Variants in C2CD2 observed in about 807,000 individuals in gnomAD.
The protein encoded by C2CD2 is C2 calcium dependent domain containing 2, also known as C2 domain-containing protein 2.
Under a neutral mutation model 74.3 loss-of-function variants are expected in C2CD2, and 43 were observed. That is an observed-to-expected ratio of 0.58 (90% confidence interval 0.45 to 0.75). C2CD2 has a LOEUF of 0.75. C2CD2 is among the 30% of genes least tolerant of loss of function. The probability of loss-of-function intolerance (pLI) is 0.00; values close to 1 mark genes in which losing one functional copy is unlikely to be tolerated. For synonymous variants in C2CD2, 422 were observed against 390.7 expected (o/e 1.08, Z -0.94); for missense variants, 801 against 916.3 (o/e 0.87, Z 1.63).
In C2CD2 at chr21:41,898,888, G is replaced by A. The variant is rs115706523; in HGVS notation, c.1870+165C>T. 9.4e-3 allele frequency among the ~76,000 whole-genome samples: 1,429 copies of A among 152,306 alleles called. 29 individuals carry two copies. Among genetic ancestry groups the A allele is most frequent in the African/African-American group, 0.033 (1,383 of 41,564 alleles). On this transcript the variant is annotated intron_variant, in intron 13 of 13. Coordinates refer to ENST00000380486, the MANE Select transcript of C2CD2 (RefSeq NM_015500.2). ...AGGACCGGCAGATGCCCCACCACGG[G>A]TTCAAACATTCAGCACAGGGCATTT...
At position 41,899,769 on chromosome 21, in the gene C2CD2, GT is replaced by G. The variant is rs1291596213; in HGVS notation, c.1561-408del. Among the ~76,000 whole-genome samples the G allele has an allele frequency of 6.6e-6, 1 of 152,138 alleles. No homozygotes were observed. The highest frequency in any genetic ancestry group is 6.5e-5 in the Admixed American group (1 of 15,284). The stretch of plus-strand genomic sequence containing the variant: ...GGTTTAGCTGTCTTTGTTCCTACAC[GT>G]TTATGTTACCTGCAAGTGGAAATTC... On this transcript the variant is annotated intron_variant, in intron 12 of 13. Transcript: ENST00000380486. This position sits in a 1 kb window ranked among gnomAD's most constrained non-coding sequence, Gnocchi z 4.4.
chr21:41,930,625 C>T (rs1288048966), intron 2 of C2CD2, among the ~76,000 whole-genome samples: 1 of 149,532 alleles, frequency 6.7e-6, no homozygotes, highest in Non-Finnish European at 1.5e-5. Context: ...TCACTTGAAC[C>T]CGGCAGGCGG....
chr21:41,888,964 G>T lies in C2CD2; in HGVS notation c.*160C>A. The T allele has an allele frequency of 1.6e-6, 1 of 636,664 alleles. No homozygotes were observed. The allele number at this position is 636,664 out of a possible 1,614,324, so 39.4% of individuals were successfully genotyped here. On this transcript the variant is annotated 3_prime_UTR_variant, in exon 14 of 14. Transcript: ENST00000380486. ...CTCTGGGAGAAGCCTCCTGGCTGGA[G>T]ACTCAGATTTTGTTTTCCCTTTAAA...
chr21:41,936,244 ACT>A (rs2065306488), intron 2 of C2CD2, among the ~76,000 whole-genome samples: 1 of 152,234 alleles, frequency 6.6e-6, no homozygotes, highest in Non-Finnish European at 1.5e-5. Flanking sequence ...AACTCAAGTA[ACT>A]CAACAGCAGG....
chr21:41,944,343 C>A (rs950225595), intron 1 of C2CD2, among the ~76,000 whole-genome samples: 5 of 151,624 alleles, frequency 3.3e-5, no homozygotes, highest in African/African-American at 1.2e-4. Context: ...AAACCCCGTC[C>A]CTATTAAAAA....
intron 2 of C2CD2, among the ~76,000 whole-genome samples, chr21:41,935,640 G>A (rs1480796448): frequency 6.6e-6 from 1 of 152,000 alleles, no homozygotes; most frequent in Admixed American, 6.6e-5. Context: ...GCCGAGGTGG[G>A]TGGATCAAGT....
chr21:41,917,595 G>C (rs1340932772), intron 5 of C2CD2, among the ~76,000 whole-genome samples: 1 of 152,154 alleles, frequency 6.6e-6, no homozygotes, highest in Admixed American at 6.5e-5. Flanking sequence ...GATGGAATAG[G>C]GGGGCTCCAG....
chr21:41,952,949 G>C (rs966831412), intron 1 of C2CD2: 2 of 176,546 alleles, frequency 1.1e-5, no homozygotes, highest in African/African-American at 4.7e-5. Context: ...AATTCTTGGT[G>C]AAATTCAGCT....
Position 41,895,326 on chromosome 21 carries a change from G to A in C2CD2, c.1870+3727C>T, listed in dbSNP as rs1280413711. On this transcript the variant is annotated intron_variant, in intron 13 of 13. Coordinates refer to ENST00000380486, the MANE Select transcript of C2CD2 (RefSeq NM_015500.2). This position sits in a 1 kb window ranked among gnomAD's most constrained non-coding sequence, Gnocchi z 5.0. ...GAGGACTGTGACTGATCCAGTAACT[G>A]ATGGTCTGGATCAAGCAGATCATCT... Among the ~76,000 whole-genome samples, 1 of 152,146 alleles carries A rather than the reference G, an allele frequency of 6.6e-6. No homozygotes were observed. The highest frequency in any genetic ancestry group is 2.1e-4 in the South Asian group (1 of 4,828).
intron 4 of C2CD2, among the ~76,000 whole-genome samples, chr21:41,918,589 G>GT (rs375081225): frequency 8.7e-5 from 13 of 149,572 alleles, no homozygotes; most frequent in African/African-American, 2.5e-4. Flanking sequence ...AGGCTTCAGG[G>GT]TTTTTTTTTT....
Position 41,903,262 on chromosome 21 carries a change from C to G in C2CD2, c.1433-1513G>C, listed in dbSNP as rs970951372. 6.6e-6 allele frequency among the ~76,000 whole-genome samples: 1 copy of G among 152,080 alleles called. No homozygotes were observed. Among genetic ancestry groups the G allele is most frequent in the African/African-American group, 2.4e-5 (1 of 41,402 alleles). On this transcript the variant is annotated intron_variant, in intron 11 of 13. Transcript: ENST00000380486. The surrounding 1 kb of genome is among the most constrained non-coding windows in gnomAD (Gnocchi z 4.5). ...AAAGTGTTTCTCTGAGTTCTGTGAG[C>G]CATTATAGCAAATTACGGAACCCGA...
intron 2 of C2CD2, among the ~76,000 whole-genome samples, chr21:41,928,001 G>A (rs1353636303): frequency 6.6e-6 from 1 of 152,212 alleles, no homozygotes; most frequent in Admixed American, 6.5e-5. Flanking sequence ...CTGCAAGGAG[G>A]TGTTGTTAAT....
intron 1 of C2CD2, among the ~76,000 whole-genome samples, chr21:41,947,227 G>C (rs182883246): frequency 0.034 from 4,938 of 145,536 alleles, 249 homozygotes; most frequent in African/African-American, 0.1. Flanking sequence ...GCGCGATCTC[G>C]GCTCACTGCA....
In C2CD2 at chr21:41,912,495, T is replaced by TTA. The variant is rs1172022561; in HGVS notation, c.845-56_845-55insTA. On this transcript the variant is annotated intron_variant, in intron 6 of 13. Transcript: ENST00000380486. ...GCGTTTATTTTTATTATTTATTTAT[T>TTA]TTTTTTTTTTTTTGAGACAGAGTCT... The TTA allele has an allele frequency of 1.8e-3, 1,072 of 587,802 alleles. 19 individuals carry two copies. The African/African-American group carries it at 0.042, about 23-fold the overall frequency. The allele number at this position is 587,802 out of a possible 1,614,324, so 36.4% of individuals were successfully genotyped here.
In C2CD2 at chr21:41,945,621, AC is replaced by A. The variant is rs2065391896; in HGVS notation, c.280-3377del. ...ATTCGGTTTGGCTCTGTTTGTAACC[AC>A]CATGTGTCAAGAGAGGGACCTGTAA... On this transcript the variant is annotated intron_variant, in intron 1 of 13. Transcript: ENST00000380486. The surrounding 1 kb of genome is among the most constrained non-coding windows in gnomAD (Gnocchi z 4.2). Among the ~76,000 whole-genome samples, 1 of 152,190 alleles carries A rather than the reference AC, an allele frequency of 6.6e-6. No homozygotes were observed. Among genetic ancestry groups the A allele is most frequent in the South Asian group, 2.1e-4 (1 of 4,826 alleles).
rs74356001 is a variant in C2CD2 at position 41,926,402 on chromosome 21, C to T, written c.379-4317G>A. 6.0e-3 allele frequency: 5,929 copies of T among 982,780 alleles called. 265 individuals are homozygous for T. In the African/African-American group the frequency reaches 0.089, roughly 15 times the overall value. 60.9% of individuals were successfully genotyped at this position (982,780 alleles called of 1,614,324 possible). The stretch of plus-strand genomic sequence containing the variant: ...CATGGAAAGGCCAAGGGGGGACTCA[C>T]GGTTGGCAGGTGAGGGTTTGGGTCG... On this transcript the variant is annotated intron_variant, in intron 2 of 13. Transcript: ENST00000380486. This position sits in a 1 kb window ranked among gnomAD's most constrained non-coding sequence, Gnocchi z 8.0.
chr21:41,926,557 C>T lies in C2CD2; in HGVS notation c.379-4472G>A, dbSNP rs146788204. 35,153 of 848,844 alleles carry T rather than the reference C, an allele frequency of 0.041. 780 individuals are homozygous for T. The highest frequency in any genetic ancestry group is 0.065 in the Middle Eastern group (110 of 1,698). The allele number at this position is 848,844 out of a possible 1,614,324, so 52.6% of individuals were successfully genotyped here. On this transcript the variant is annotated intron_variant, in intron 2 of 13. Transcript: ENST00000380486. This position sits in a 1 kb window ranked among gnomAD's most constrained non-coding sequence, Gnocchi z 8.0. ...CTCTCCAGCCTCAACACCTTGACCTCATGTAGTCACATACCTATGCAAACA... is the reference window on the plus strand; with the variant it reads ...CTCTCCAGCCTCAACACCTTGACCTTATGTAGTCACATACCTATGCAAACA...
intron 4 of C2CD2, 108 bp from the exon 5 acceptor site, chr21:41,918,335 T>C (rs943362192): frequency 7.1e-5 from 75 of 1,049,590 alleles, no homozygotes; most frequent in Non-Finnish European, 9.3e-5. Flanking sequence ...AGGAAGGAAA[T>C]TACCTTCAGA....
intron 2 of C2CD2, among the ~76,000 whole-genome samples, chr21:41,928,544 C>CAAA (rs59346777): frequency 0.027 from 1,981 of 72,146 alleles, 104 homozygotes; most frequent in African/African-American, 0.074. Context: ...TAAAGCAAAG[C>CAAA]AAAAAAAAAA....
Sources: gnomAD v4.1 joint callset for allele counts (sites outside exome capture counted in the v4.1 genomes callset) on GRCh38, gnomAD v4.1.1 for gene constraint, Gnocchi (gnomAD v3.1) non-coding constraint, MANE v1.5 for transcripts, NCBI Gene and HGNC (gene_info 2026-07-23, HGNC 2026-07-21) for gene names.